LCT: variants seen among roughly 807,000 people sequenced by gnomAD.
LCT encodes the protein lactase.
A neutral mutation model predicts 173.0 loss-of-function variants in LCT; 90 were observed. The ratio of observed to expected loss-of-function variants is 0.52; its 90% confidence interval spans 0.44 to 0.62. The LOEUF is 0.62. Among genes scored for constraint, LCT ranks in the 20% least tolerant of loss-of-function variants. The pLI, the probability that LCT is intolerant of heterozygous loss-of-function variation, is 0.00. For synonymous variants in LCT, 853 were observed against 957.6 expected (o/e 0.89, Z 2.02); for missense variants, 1,864 against 2,431.4 (o/e 0.77, Z 4.91).
intron 2 of LCT, 72 bp from the exon 3 acceptor site, chr2:135,829,748 C>T (rs1187245252): frequency 3.8e-6 from 4 of 1,051,028 alleles, no homozygotes; most frequent in African/African-American, 1.6e-5. Context: ...CAGAAGTACG[C>T]TTTTTTGTTT....
Position 135,808,774 on chromosome 2 carries a change from C to T in LCT, c.3573G>A (p.Glu1191=). The change falls in exon 8 of 17, where the codon GAG becomes GAA. Residue 1191 remains glutamate (E), a synonymous_variant. Coordinates refer to ENST00000264162, the MANE Select transcript of LCT (RefSeq NM_002299.4). The stretch of plus-strand genomic sequence containing the variant: ...TCGCCCTGATGAACCTCTTCTCTTC[C>T]TCAGTGAAGCTTGGCAGGCGGGAGG... ...LATSRLPSFT[E]EEKRFIRATA... The T allele has an allele frequency of 1.9e-6, 3 of 1,613,780 alleles. No individual in the cohort carries two copies. Among genetic ancestry groups the T allele is most frequent in the African/African-American group, 2.7e-5 (2 of 75,052 alleles).
In LCT at chr2:135,807,535, C is replaced by T. The variant is rs2077687506; in HGVS notation, c.3905-139G>A. 4 of 784,952 alleles carry T rather than the reference C, an allele frequency of 5.1e-6. No individual in the cohort carries two copies. The East Asian group carries it at 1.0e-4, about 20-fold the overall frequency. The allele number at this position is 784,952 out of a possible 1,614,324, so 48.6% of individuals were successfully genotyped here. On this transcript the variant is annotated intron_variant, in intron 8 of 16. Transcript: ENST00000264162. ...ACACCCTGAGAGACCAACAGATCAT[C>T]TGTTGATCTTACTTTTCTGCCAGTA...
intron 8 of LCT, 129 bp downstream of exon 8, chr2:135,808,314 G>T (rs1290696981): frequency 4.7e-6 from 4 of 846,888 alleles, no homozygotes; most frequent in Non-Finnish European, 8.3e-6. Flanking sequence ...AACAGATAAA[G>T]AATTATGGAG....
In LCT at chr2:135,788,361, C is replaced by T. The variant is rs1248957938; in HGVS notation, c.5747G>A (p.Arg1916Gln). 6.2e-6 allele frequency: 10 copies of T among 1,614,090 alleles called. No homozygotes were observed. Among genetic ancestry groups the T allele is most frequent in the East Asian group, 2.2e-5 (1 of 44,890 alleles). The change falls in exon 17 of 17, where the codon CGA (arginine) becomes CAA (glutamine). Residue 1916 changes from arginine to glutamine, a missense_variant. This residue lies in a region of LCT where 514 missense variants were observed against 750.1 expected (regional missense o/e 0.69). Transcript: ENST00000264162. Reference protein sequence around the residue: ...CKRSKQGKTQRSQQELSPVSS... With the variant: ...CKRSKQGKTQQSQQELSPVSS... ...CACCGGGCTCAATTCCTGTTGGCTT[C>T]GTTGTGTTTTCCCTTGCTTAGAGCG...
intron 13 of LCT, among the ~76,000 whole-genome samples, 194 bp from the exon 14 acceptor site, chr2:135,794,969 A>G (rs1255222984): frequency 6.6e-6 from 1 of 151,956 alleles, no homozygotes; most frequent in Admixed American, 6.6e-5. Flanking sequence ...CAGACCATAA[A>G]CCTGGCTTCC....
intron 13 of LCT, among the ~76,000 whole-genome samples, chr2:135,795,614 TAATA>T (rs1559549192): frequency 1.3e-4 from 11 of 86,352 alleles, no homozygotes; most frequent in East Asian, 4.7e-4. Flanking sequence ...CTAATAATAA[TAATA>T]ATAATAATAA....
chr2:135,812,235 T>C, intron 7 of LCT, 76 bp downstream of exon 7: 1 of 1,250,286 alleles, frequency 8.0e-7, no homozygotes, highest in Non-Finnish European at 1.2e-6. Context: ...ACTTTCTTTG[T>C]CTTATTAAAC....
At chr2:135,828,504 G>T (rs556014900) in intron 3 of LCT, among the ~76,000 whole-genome samples, 1 of 152,290 alleles carries the variant, frequency 6.6e-6, no homozygotes, top group Non-Finnish European at 1.5e-5. Context: ...GGTCCAATGT[G>T]GGTGCATACC....
chr2:135,829,605 C>T lies in LCT; in HGVS notation c.792G>A (p.Leu264=). ...CQNEASLRQK[L]SKLQTIEPKV... ...GGGCTCAAATTACCTGCAATTTACT[C>T]AGCTTCTGCCGCAGACTTGCCTCAT... is the stretch of plus-strand genomic sequence containing the variant. Residue 264 remains leucine, a synonymous_variant, in exon 3 of 17, where the codon CTG becomes CTA. Transcript: ENST00000264162. 6.2e-7 allele frequency: 1 copy of T among 1,613,170 alleles called. No homozygotes were observed. Among genetic ancestry groups the T allele is most frequent in the Non-Finnish European group, 8.5e-7 (1 of 1,179,112 alleles).
In LCT at chr2:135,808,943, C is replaced by T. The variant is rs757210422; in HGVS notation, c.3404G>A (p.Gly1135Glu). The T allele has an allele frequency of 4.3e-6, 7 of 1,613,990 alleles. No homozygotes were observed. The African/African-American group carries it at 8.0e-5, about 18-fold the overall frequency. The stretch of plus-strand genomic sequence containing the variant: ...AGCGGCTTCCACATCTCTGGGGACC[C>T]CTGGTGACTTGGGCTCTGCCCAGTG... Reference protein sequence around the residue: ...STHWAEPKSPGVPRDVEAADR... With the variant: ...STHWAEPKSPEVPRDVEAADR... Residue 1135 changes from glycine to glutamate, a missense_variant, in exon 8 of 17, where the codon GGG becomes GAG. By Grantham distance (98) the Gly-to-Glu change is moderately conservative (BLOSUM62 -2). This residue lies in a region of LCT where 755 missense variants were observed against 926.3 expected (regional missense o/e 0.82). Transcript: ENST00000264162.
At position 135,817,525 on chromosome 2, in the gene LCT, C is replaced by T. The variant is rs1471369922; in HGVS notation, c.1523G>A (p.Gly508Asp). Residue 508 changes from glycine (G) to aspartate (D), a missense_variant, in exon 6 of 17, where the codon GGT (glycine) becomes GAT (aspartate). By Grantham distance (94) the Gly-to-Asp change is moderately conservative (BLOSUM62 -1). Transcript: ENST00000264162. ...CACCACGCTCTCATTCTGCCATCCA[C>T]CATGATCCTGCAGGGCCTGAGGCAG... ...WDLPQALQDH[G>D]GWQNESVVDA... is the part of the protein sequence containing the mutation. The T allele has an allele frequency of 1.2e-6, 2 of 1,614,154 alleles. No homozygotes were observed. The highest frequency in any genetic ancestry group is 2.2e-5 in the South Asian group (2 of 91,084).
intron 6 of LCT, among the ~76,000 whole-genome samples, chr2:135,814,526 T>C (rs2105539809): frequency 6.6e-6 from 1 of 152,142 alleles, no homozygotes; most frequent in South Asian, 2.1e-4. Context: ...AATACCTTTT[T>C]TTTTTTTTTG....
At position 135,809,918 on chromosome 2, in the gene LCT, C is replaced by G. The variant is rs748853956; in HGVS notation, c.2429G>C (p.Gly810Ala). The G allele has an allele frequency of 6.2e-7, 1 of 1,614,148 alleles. No homozygotes were observed. Among genetic ancestry groups the G allele is most frequent in the South Asian group, 1.1e-5 (1 of 91,074 alleles). ...SLIDGFEGPS[G>A]YSQRFGLHHV... Reference sequence around the variant, plus strand: ...GTGCAGGCCAAACCGCTGGCTGTAACCAGAAGGGCCTTCGAAGCCATCAAT... The same window carrying G: ...GTGCAGGCCAAACCGCTGGCTGTAAGCAGAAGGGCCTTCGAAGCCATCAAT... Residue 810 changes from glycine to alanine, a missense_variant, in exon 8 of 17, where the codon GGT (glycine) becomes GCT (alanine). Physicochemically the swap from Gly to Ala is moderately conservative, Grantham distance 60. Around this residue, in one of 4 missense-constraint regions of LCT, gnomAD observed 755 missense variants for 926.3 expected, o/e 0.82. Transcript: ENST00000264162. The surrounding 1 kb of genome is among the most constrained non-coding windows in gnomAD (Gnocchi z 5.5).
At chr2:135,799,825 TG>T (rs2077611462) in intron 12 of LCT, among the ~76,000 whole-genome samples, 1 of 152,232 alleles carries the variant, frequency 6.6e-6, no homozygotes, top group Non-Finnish European at 1.5e-5. Context: ...CTCATTGAGT[TG>T]GCAAATTAGG....
In LCT at chr2:135,822,059, A is replaced by T; in HGVS notation, c.947T>A (p.Ile316Asn). The T allele has an allele frequency of 6.2e-7, 1 of 1,609,930 alleles. No homozygotes were observed. The highest frequency in any genetic ancestry group is 1.7e-4 in the Middle Eastern group (1 of 6,048). Reference sequence around the variant, plus strand: ...TGATGAACAACTCAGAAACTCATTAATATCAAACCCAATGGTGAGCACTTG... The same window carrying T: ...TGATGAACAACTCAGAAACTCATTATTATCAAACCCAATGGTGAGCACTTG... Reference protein sequence around the residue: ...KDQVLTIGFDINEFLSCSSSS... With the variant: ...KDQVLTIGFDNNEFLSCSSSS... Residue 316 changes from isoleucine to asparagine, a missense_variant, in exon 5 of 17, where the codon ATT (isoleucine) becomes AAT (asparagine). Coordinates refer to ENST00000264162, the MANE Select transcript of LCT (RefSeq NM_002299.4).
In LCT at chr2:135,788,505, A is replaced by G; in HGVS notation, c.5603T>C (p.Val1868Ala). ...PTISPVRQEE[V>A]QFLGLMLGTT... ...GCCGAGCATTAGCCCCAGGAACTGCACCTCCTCCTGTCTCACGGGGCTGAT... is the reference window on the plus strand; with the variant it reads ...GCCGAGCATTAGCCCCAGGAACTGCGCCTCCTCCTGTCTCACGGGGCTGAT... Residue 1868 changes from valine to alanine, a missense_variant, in exon 17 of 17, where the codon GTG becomes GCG. By Grantham distance (64) the Val-to-Ala change is moderately conservative. This residue lies in a region of LCT where 514 missense variants were observed against 750.1 expected (regional missense o/e 0.69). Transcript: ENST00000264162. 3 of 1,612,402 alleles carry G rather than the reference A, an allele frequency of 1.9e-6. No homozygotes were observed. The highest frequency in any genetic ancestry group is 2.5e-6 in the Non-Finnish European group (3 of 1,179,746).
chr2:135,794,038 C>G (rs1290902179), intron 14 of LCT, among the ~76,000 whole-genome samples: 1 of 151,244 alleles, frequency 6.6e-6, no homozygotes, highest in Admixed American at 6.6e-5. Context: ...TACTTGGAGG[C>G]TGAGGCAGGG....
Position 135,807,392 on chromosome 2 carries a change from G to A in LCT, c.3909C>T (p.Tyr1303=). Residue 1303 remains tyrosine (Y), a synonymous_variant, in exon 9 of 17, where the codon TAC becomes TAT. Transcript: ENST00000264162. ...KTYINEALKA[Y]RLDGIDLRGY... Reference sequence around the variant, plus strand: ...CTCGAAGGTCTATACCATCGAGCCTGTAGGCTGGGAACATCCCAAAGGGAG... The same window carrying A: ...CTCGAAGGTCTATACCATCGAGCCTATAGGCTGGGAACATCCCAAAGGGAG... 1 of 1,614,158 alleles carries A rather than the reference G, an allele frequency of 6.2e-7. No homozygotes were observed. The highest frequency in any genetic ancestry group is 1.1e-5 in the South Asian group (1 of 91,046).
At chr2:135,789,546 A>G (rs2077518244) in intron 16 of LCT, 25 bp downstream of exon 16, 2 of 1,570,312 alleles carry the variant, frequency 1.3e-6, no homozygotes, top group South Asian at 2.2e-5. Flanking sequence ...CTTAGGCTTT[A>G]TTCCCTCCCA....
Sources: gnomAD v4.1 joint callset for allele counts (sites outside exome capture counted in the v4.1 genomes callset) on GRCh38, gnomAD v4.1.1 for gene constraint, gnomAD v4.1.1 regional missense constraint, Gnocchi (gnomAD v3.1) non-coding constraint, MANE v1.5 for transcripts, NCBI Gene and HGNC (gene_info 2026-07-23, HGNC 2026-07-21) for gene names.